CHN2: variants seen among roughly 807,000 people sequenced by gnomAD.
CHN2 encodes beta-chimaerin.
In CHN2, 35 loss-of-function variants were observed where a neutral mutation model predicts 56.3. That is an observed-to-expected ratio of 0.62 (90% confidence interval 0.47 to 0.82). The LOEUF (loss-of-function observed/expected upper bound fraction) is 0.82, where lower values mean the gene tolerates loss of function less well. Among genes scored for constraint, CHN2 ranks in the 40% least tolerant of loss-of-function variants. The probability of loss-of-function intolerance (pLI) is 0.00; values close to 1 mark genes in which losing one functional copy is unlikely to be tolerated. For synonymous variants in CHN2, 210 were observed against 212.8 expected, an observed-to-expected ratio of 0.99 and a Z score of 0.12; for missense variants, 491 against 580.5, an observed-to-expected ratio of 0.85 and a Z score of 1.58.
intron 6 of CHN2, among the ~76,000 whole-genome samples, chr7:29,417,037 C>T (rs934592715): frequency 7.2e-5 from 11 of 152,096 alleles, no homozygotes; most frequent in Admixed American, 6.5e-4. Context: ...CTTTGCATGC[C>T]GCCGGGTAGC....
intron 11 of CHN2, among the ~76,000 whole-genome samples, 190 bp from the exon 12 acceptor site, chr7:29,509,111 T>C (rs543571763): frequency 4.6e-5 from 7 of 152,318 alleles, no homozygotes; most frequent in South Asian, 4.1e-4. Flanking sequence ...AAGCATGTGG[T>C]GCTCAGCCTC....
chr7:29,186,418 A>C (rs963410005), intron 2 of CHN2: 1 of 152,138 alleles, frequency 6.6e-6, no homozygotes, highest in Non-Finnish European at 1.5e-5. Context: ...CCCTGTCTCC[A>C]CTAAAAATTT....
chr7:29,458,113 C>T (rs1784898347), intron 6 of CHN2, among the ~76,000 whole-genome samples: 1 of 152,108 alleles, frequency 6.6e-6, no homozygotes, highest in Non-Finnish European at 1.5e-5. Flanking sequence ...TCACAAAAGA[C>T]AGTGTTATAG....
At chr7:29,413,826 A>C (rs1413732132) in intron 6 of CHN2, among the ~76,000 whole-genome samples, 2 of 152,192 alleles carry the variant, frequency 1.3e-5, no homozygotes, top group East Asian at 3.9e-4. Flanking sequence ...TTCTAAACAA[A>C]GCGTTATATT....
At chr7:29,320,137 G>A (rs1795229669) in intron 1 of CHN2, among the ~76,000 whole-genome samples, 1 of 152,196 alleles carries the variant, frequency 6.6e-6, no homozygotes, top group Non-Finnish European at 1.5e-5. Flanking sequence ...GTTTAGAGAA[G>A]TGAAAGCATT....
intron 6 of CHN2, among the ~76,000 whole-genome samples, chr7:29,437,563 A>C (rs1449172256): frequency 2.4e-5 from 2 of 82,562 alleles, no homozygotes; most frequent in Non-Finnish European, 4.8e-5. Context: ...GCGCCACTGC[A>C]CTCCAGCCTG....
At chr7:29,243,333 T>C (rs1446622781) in intron 1 of CHN2, among the ~76,000 whole-genome samples, 3 of 152,212 alleles carry the variant, frequency 2.0e-5, no homozygotes, top group Non-Finnish European at 2.9e-5. Flanking sequence ...CATAGTCCAC[T>C]GAATATAGAT....
intron 1 of CHN2, among the ~76,000 whole-genome samples, chr7:29,315,119 G>A (rs542148106): frequency 1.2e-4 from 18 of 152,168 alleles, no homozygotes; most frequent in East Asian, 5.8e-4. Flanking sequence ...GAAACAAAGC[G>A]ATGTATTTAT....
At chr7:29,386,777 G>C (rs1323469756) in intron 3 of CHN2, among the ~76,000 whole-genome samples, 1 of 152,180 alleles carries the variant, frequency 6.6e-6, no homozygotes, top group Non-Finnish European at 1.5e-5. Context: ...GGAAATATTT[G>C]AGAGACCCCA....
rs183653605 is a variant in CHN2 at position 29,367,846 on chromosome 7, G to A, written c.89-86G>A. ...ATTTACAATCCTTGAGATGTACTTA[G>A]GTGGAAATATTTGAAGGCACGTTGA... On this transcript the variant is annotated intron_variant, in intron 2 of 12. Transcript: ENST00000222792. 3.3e-5 allele frequency: 36 copies of A among 1,097,864 alleles called. No homozygotes were observed. In the East Asian group the frequency reaches 9.7e-4, roughly 30 times the overall value. 68.0% of individuals were successfully genotyped at this position (1,097,864 alleles called of 1,614,324 possible).
intron 6 of CHN2, among the ~76,000 whole-genome samples, chr7:29,436,629 G>A (rs765347743): frequency 6.6e-6 from 1 of 152,086 alleles, no homozygotes; most frequent in East Asian, 1.9e-4. Flanking sequence ...CAAGGATTGT[G>A]CCTGGTGACA....
Position 29,301,816 on chromosome 7 carries a change from A to G in CHN2, c.50-52809A>G, listed in dbSNP as rs895690183. Among the ~76,000 whole-genome samples the G allele has an allele frequency of 1.2e-4, 19 of 152,284 alleles. 1 individual carries two copies. Among genetic ancestry groups the G allele is most frequent in the South Asian group, 1.2e-3 (6 of 4,824 alleles). On this transcript the variant is annotated intron_variant, in intron 1 of 12. Coordinates refer to ENST00000222792, the MANE Select transcript of CHN2 (RefSeq NM_004067.4). ...AGATTTCCTCCCCCTTTCTCTTCAA[A>G]TAGGTCCATGTTTGAGTTTTTTGGT...
At chr7:29,461,823 G>C (rs1439507317) in intron 6 of CHN2, among the ~76,000 whole-genome samples, 4 of 123,474 alleles carry the variant, frequency 3.2e-5, no homozygotes, top group Non-Finnish European at 7.3e-5. Context: ...TCATTGGATG[G>C]ATGGATGGAT....
chr7:29,265,085 G>A (rs1790027442), intron 1 of CHN2, among the ~76,000 whole-genome samples: 1 of 152,150 alleles, frequency 6.6e-6, no homozygotes, highest in Admixed American at 6.5e-5. Flanking sequence ...TGCTTTTAGA[G>A]TCTAGAGACT....
Position 29,263,946 on chromosome 7 carries a change from C to T in CHN2, c.49+68956C>T, listed in dbSNP as rs1245503356. ...CGGGAGCTGGGGGGCAGCCCCCGCC[C>T]GGCCAGCCGCCCCGTCTGGGAGGTG... On this transcript the variant is annotated intron_variant, in intron 1 of 12. Transcript: ENST00000222792. 2.5e-3 allele frequency among the ~76,000 whole-genome samples: 380 copies of T among 151,336 alleles called. 5 individuals are homozygous for T. The highest frequency in any genetic ancestry group is 8.8e-3 in the African/African-American group (363 of 41,250).
At chr7:29,427,340 A>G (rs1288910312) in intron 6 of CHN2, among the ~76,000 whole-genome samples, 2 of 152,180 alleles carry the variant, frequency 1.3e-5, no homozygotes, top group Admixed American at 1.3e-4. Context: ...TAAAGGATTC[A>G]TGATTATCCA....
chr7:29,232,649 G>A (rs773694243), intron 1 of CHN2, among the ~76,000 whole-genome samples: 6 of 146,006 alleles, frequency 4.1e-5, no homozygotes, highest in Non-Finnish European at 9.1e-5. Flanking sequence ...ATAGCGGTGC[G>A]TCTTTTTCAC....
intron 1 of CHN2, among the ~76,000 whole-genome samples, chr7:29,332,412 T>TA (rs1189161125): frequency 6.6e-6 from 1 of 152,154 alleles, no homozygotes. Context: ...AGGTTCAACT[T>TA]ACAATTTTTT....
At chr7:29,405,010 C>G (rs1016632352) in intron 6 of CHN2, among the ~76,000 whole-genome samples, 1 of 152,000 alleles carries the variant, frequency 6.6e-6, no homozygotes, top group African/African-American at 2.4e-5. Context: ...CCCTGCTACT[C>G]TTTCAGACTC....
Sources: gnomAD v4.1 joint callset for allele counts (sites outside exome capture counted in the v4.1 genomes callset) on GRCh38, gnomAD v4.1.1 for gene constraint, MANE v1.5 for transcripts, NCBI Gene and HGNC (gene_info 2026-07-23, HGNC 2026-07-21) for gene names.